The following CCDC192 variants were observed in gnomAD, a reference collection of about 807,000 sequenced individuals.
CCDC192 encodes coiled-coil domain containing 192.
At chr5:127,827,348 TA>T (rs1490038248) in intron 5 of CCDC192, among the ~76,000 whole-genome samples, 5 of 152,382 alleles carry the variant, frequency 3.3e-5, no homozygotes, top group South Asian at 2.1e-4. Flanking sequence ...GGGCAGTTTC[TA>T]GTGCTTTTTT....
intron 3 of CCDC192, among the ~76,000 whole-genome samples, chr5:127,788,128 C>G (rs1031765267): frequency 2.7e-5 from 4 of 147,774 alleles, no homozygotes; most frequent in African/African-American, 1.0e-4. Context: ...AAGTCTCCAA[C>G]TATTCTCACA....
intron 5 of CCDC192, among the ~76,000 whole-genome samples, chr5:127,805,261 A>G (rs1258294518): frequency 2.0e-5 from 3 of 152,274 alleles, no homozygotes; most frequent in East Asian, 3.9e-4. Context: ...CAATAATCCT[A>G]TGAAGTAGAT....
Position 127,863,342 on chromosome 5 carries a change from G to A in CCDC192, c.412-12196G>A, listed in dbSNP as rs141554920. Reference sequence around the variant, plus strand: ...CAGCTTTAAACAGGAAGGAAATGCTGACACATAGTACAACATAAATAAAGT... The same window carrying A: ...CAGCTTTAAACAGGAAGGAAATGCTAACACATAGTACAACATAAATAAAGT... On this transcript the variant is annotated intron_variant, in intron 5 of 6. Coordinates refer to ENST00000514853, the MANE Select transcript of CCDC192 (RefSeq NM_001317938.2). Among the ~76,000 whole-genome samples the A allele has an allele frequency of 1.3e-4, 20 of 152,300 alleles. No individual in the cohort carries two copies. In the East Asian group the frequency reaches 3.9e-3, roughly 29 times the overall value.
chr5:127,908,302 A>G (rs1330338009), intron 6 of CCDC192, among the ~76,000 whole-genome samples: 1 of 152,172 alleles, frequency 6.6e-6, no homozygotes, highest in African/African-American at 2.4e-5. Context: ...CAGCTCTTTG[A>G]TATGGGACAA....
chr5:127,820,348 G>A (rs1421130685), intron 5 of CCDC192, among the ~76,000 whole-genome samples: 1 of 152,216 alleles, frequency 6.6e-6, no homozygotes, highest in East Asian at 1.9e-4. Context: ...TTGGGAGGCC[G>A]AGGCGGGTGG....
intron 2 of CCDC192, among the ~76,000 whole-genome samples, chr5:127,728,621 T>G (rs551791759): frequency 6.6e-6 from 1 of 152,264 alleles, no homozygotes; most frequent in Admixed American, 6.5e-5. Context: ...AATGACACTA[T>G]GAAGCAACTA....
At chr5:127,727,453 CAA>C (rs970874748) in intron 2 of CCDC192, among the ~76,000 whole-genome samples, 3 of 150,460 alleles carry the variant, frequency 2.0e-5, no homozygotes, top group Non-Finnish European at 3.0e-5. Flanking sequence ...GCCTGGGCAA[CAA>C]GAGAGAAACT....
chr5:127,778,738 G>A (rs1183741979), intron 3 of CCDC192, among the ~76,000 whole-genome samples: 6 of 151,940 alleles, frequency 3.9e-5, no homozygotes, highest in Non-Finnish European at 8.8e-5. Flanking sequence ...TTTCTTTGTT[G>A]GGAGTTTTGT....
intron 3 of CCDC192, among the ~76,000 whole-genome samples, chr5:127,779,244 T>C (rs777857011): frequency 2.2e-4 from 33 of 152,170 alleles, no homozygotes; most frequent in Non-Finnish European, 3.5e-4. Context: ...TCTATATATA[T>C]AGATACATTT....
intron 5 of CCDC192, among the ~76,000 whole-genome samples, chr5:127,863,434 C>T (rs1003902373): frequency 6.6e-6 from 1 of 152,090 alleles, no homozygotes; most frequent in Non-Finnish European, 1.5e-5. Flanking sequence ...GGACATCATG[C>T]CAAGTTAAAT....
chr5:127,803,696 C>T (rs1048422122), intron 5 of CCDC192, among the ~76,000 whole-genome samples: 7 of 152,100 alleles, frequency 4.6e-5, no homozygotes, highest in African/African-American at 1.7e-4. Flanking sequence ...TCTTTACCTC[C>T]ATCCCAACGG....
At chr5:127,884,869 G>A (rs965047000) in intron 6 of CCDC192, among the ~76,000 whole-genome samples, 1 of 151,830 alleles carries the variant, frequency 6.6e-6, no homozygotes, top group Non-Finnish European at 1.5e-5. Flanking sequence ...TACTTATTTA[G>A]GTCCTTCCTT....
chr5:127,718,088 G>T (rs904932559), intron 2 of CCDC192, among the ~76,000 whole-genome samples: 3 of 152,122 alleles, frequency 2.0e-5, no homozygotes, highest in Non-Finnish European at 2.9e-5. Context: ...GATTTAAAAT[G>T]AGGTTGGCCA....
At position 127,941,488 on chromosome 5, in the gene CCDC192, T is replaced by C. The variant is rs1463262611; in HGVS notation, c.*20T>C. 1.0e-5 allele frequency: 4 copies of C among 398,856 alleles called. No homozygotes were observed. The highest frequency in any genetic ancestry group is 6.2e-4 in the Middle Eastern group (1 of 1,610). The allele number at this position is 398,856 out of a possible 1,614,324, so 24.7% of individuals were successfully genotyped here. A position where few individuals can be genotyped will look rare whatever the true frequency, so the allele number is the denominator to read the frequency against. ...TTGTAGATTCCCAATAAGAAAACAA[T>C]AAAAGTTTATTAAGTGTCATCCAGG... On this transcript the variant is annotated 3_prime_UTR_variant, in exon 7 of 7. Transcript: ENST00000514853.
chr5:127,840,953 G>A (rs989720455), intron 5 of CCDC192, among the ~76,000 whole-genome samples: 11 of 152,138 alleles, frequency 7.2e-5, no homozygotes, highest in African/African-American at 2.4e-4. Context: ...TGACCAAGTG[G>A]GAGAAATCTG....
At chr5:127,730,071 AT>A (rs1366277942) in intron 2 of CCDC192, among the ~76,000 whole-genome samples, 15 of 152,164 alleles carry the variant, frequency 9.9e-5, no homozygotes, top group African/African-American at 3.6e-4. Context: ...CCAAAAATCA[AT>A]TAATCCAGGA....
At chr5:127,751,582 A>G (rs1046476401) in intron 2 of CCDC192, among the ~76,000 whole-genome samples, 1 of 152,078 alleles carries the variant, frequency 6.6e-6, no homozygotes, top group Non-Finnish European at 1.5e-5. Context: ...TGAATCTGAC[A>G]ATTATGTGTC....
chr5:127,877,278 ACT>A (rs1235144877), intron 6 of CCDC192, among the ~76,000 whole-genome samples: 5 of 152,126 alleles, frequency 3.3e-5, no homozygotes, highest in South Asian at 2.1e-4. Flanking sequence ...AGGGACTAGA[ACT>A]CTAATGGCTT....
intron 5 of CCDC192, among the ~76,000 whole-genome samples, chr5:127,868,247 C>T (rs1316146976): frequency 6.6e-6 from 1 of 152,098 alleles, no homozygotes; most frequent in Non-Finnish European, 1.5e-5. Context: ...ATGACGTAGC[C>T]ATCCCATTGC....
Sources: gnomAD v4.1 joint callset for allele counts (sites outside exome capture counted in the v4.1 genomes callset) on GRCh38, gnomAD v4.1.1 for gene constraint, MANE v1.5 for transcripts, NCBI Gene and HGNC (gene_info 2026-07-23, HGNC 2026-07-21) for gene names.